Variants in TRPM8 observed in about 807,000 individuals in gnomAD.
TRPM8 encodes the protein TRPM8 cationic channel.
A neutral mutation model predicts 133.7 loss-of-function variants in TRPM8; 110 were observed. The ratio of observed to expected loss-of-function variants is 0.82; its 90% CI spans 0.70 to 0.96. The LOEUF (loss-of-function observed/expected upper bound fraction) is 0.96, where lower values mean the gene tolerates loss of function less well. Ranked by LOEUF, TRPM8 falls within the 40% of genes least tolerant of loss-of-function variation. The pLI is 0.00. For missense variants in TRPM8, 1,291 were observed against 1,379.5 expected, an observed-to-expected ratio of 0.94 and a Z score of 1.02; for synonymous variants, 535 against 532.3, an observed-to-expected ratio of 1.01 and a Z score of -0.07.
intron 17 of TRPM8, among the ~76,000 whole-genome samples, chr2:233,977,981 C>T (rs1241069462): frequency 6.6e-6 from 1 of 152,176 alleles, no homozygotes; most frequent in African/African-American, 2.4e-5. Flanking sequence ...GTATAATCTT[C>T]CACGACCTTC....
In TRPM8 at chr2:233,963,295, T is replaced by C; in HGVS notation, c.1667T>C (p.Ile556Thr). 6.2e-7 allele frequency: 1 copy of C among 1,613,072 alleles called. No homozygotes were observed. The highest frequency in any genetic ancestry group is 8.5e-7 in the Non-Finnish European group (1 of 1,179,232). The change falls in exon 13 of 26, where the codon ATT becomes ACT. Residue 556 changes from isoleucine (I) to threonine (T), a missense_variant. By Grantham distance (89) the Ile-to-Thr change is moderately conservative (BLOSUM62 -1). Coordinates refer to ENST00000324695, the MANE Select transcript of TRPM8 (RefSeq NM_024080.5). ...MDIELHDVSPITRHPLQALFI... is the reference protein window; with the variant it reads ...MDIELHDVSPTTRHPLQALFI... ...CTAACCCCCCAGGACGTGTCTCCTA[T>C]TACTCGGCACCCCCTGCAAGCTCTC...
Position 233,930,728 on chromosome 2 carries a change from G to A in TRPM8, c.178G>A (p.Asp60Asn). ...ACGAGAATGTGTCTTCTTTACCAAA[G>A]ATTCCAAGGCCACGTAAGCTACTAT... ...KKRECVFFTK[D>N]SKATENVCKC... The change falls in exon 3 of 26, where the codon GAT becomes AAT. Residue 60 changes from aspartate (D) to asparagine (N), a missense_variant. By Grantham distance (23) the Asp-to-Asn change is conservative. Coordinates refer to ENST00000324695, the MANE Select transcript of TRPM8 (RefSeq NM_024080.5). 1 of 1,608,414 alleles carries A rather than the reference G, an allele frequency of 6.2e-7. No individual in the cohort carries two copies. The highest frequency in any genetic ancestry group is 1.1e-5 in the South Asian group (1 of 90,132).
chr2:233,919,654 C>T (rs998061766), intron 1 of TRPM8, among the ~76,000 whole-genome samples: 2 of 151,524 alleles, frequency 1.3e-5, no homozygotes, highest in Non-Finnish European at 2.9e-5. Flanking sequence ...TACATGGATC[C>T]ATCTTGCCAT....
intron 21 of TRPM8, among the ~76,000 whole-genome samples, chr2:233,993,021 T>A (rs1189084030): frequency 6.6e-6 from 1 of 152,158 alleles, no homozygotes; most frequent in African/African-American, 2.4e-5. Context: ...TTTGGCTGAG[T>A]CCTGGACTGA....
intron 21 of TRPM8, among the ~76,000 whole-genome samples, chr2:233,990,394 CTCTG>C (rs1450906595): frequency 6.6e-6 from 1 of 152,154 alleles, no homozygotes; most frequent in East Asian, 1.9e-4. Context: ...GGCAAGACAG[CTCTG>C]TCTAATACTG....
At chr2:233,945,220 A>G (rs898135219) in intron 6 of TRPM8, among the ~76,000 whole-genome samples, 1 of 152,170 alleles carries the variant, frequency 6.6e-6, no homozygotes, top group Admixed American at 6.5e-5. Flanking sequence ...CTTTGAATGG[A>G]GCTTGAGAGT....
chr2:233,941,006 A>G (rs1020065828), intron 5 of TRPM8, among the ~76,000 whole-genome samples: 1 of 152,096 alleles, frequency 6.6e-6, no homozygotes, highest in African/African-American at 2.4e-5. Context: ...GATCTGAGGG[A>G]GGAGTTTTGG....
intron 6 of TRPM8, chr2:233,943,065 ATCT>A: frequency 2.9e-5 from 7 of 243,078 alleles, no homozygotes; most frequent in East Asian, 1.1e-4. Context: ...CAACTGCAGT[ATCT>A]TTTTTTTTTT....
chr2:233,930,662 C>T lies in TRPM8; in HGVS notation c.118-6C>T, dbSNP rs1691662269. ...TAATGTGTTATTCAATGTTCTCTCT[C>T]CAAAGGACTTGGTGAATTTTATTCA... On this transcript the variant is annotated splice_polypyrimidine_tract_variant and splice_region_variant and intron_variant, in intron 2 of 25. Transcript: ENST00000324695. 6.3e-7 allele frequency: 1 copy of T among 1,597,552 alleles called. No individual in the cohort carries two copies. The highest frequency in any genetic ancestry group is 1.1e-5 in the South Asian group (1 of 89,718).
At position 234,019,489 on chromosome 2, in the gene TRPM8, T is replaced by G. The variant is rs1233773385; in HGVS notation, c.*2233T>G. The stretch of plus-strand genomic sequence containing the variant: ...GAATCCTGCAGCTTGGTTTAATGAG[T>G]GTGTTCATGAAATAAATAATGGAGG... On this transcript the variant is annotated 3_prime_UTR_variant, in exon 26 of 26. Coordinates refer to ENST00000324695, the MANE Select transcript of TRPM8 (RefSeq NM_024080.5). The G allele has an allele frequency of 6.6e-6, 1 of 152,186 alleles. No individual in the cohort carries two copies. The highest frequency in any genetic ancestry group is 1.9e-4 in the East Asian group (1 of 5,190). 9.4% of individuals were successfully genotyped at this position (152,186 alleles called of 1,614,324 possible).
rs1482820894 is a variant in TRPM8 at position 233,947,195 on chromosome 2, G to A, written c.942+40G>A. ...AGTTTTCTAGAAGGTTGGCTAATAA[G>A]CCTATCCAACAAATTTGTATTTTCA... On this transcript the variant is annotated intron_variant, in intron 8 of 25. Coordinates refer to ENST00000324695, the MANE Select transcript of TRPM8 (RefSeq NM_024080.5). 6.2e-6 allele frequency: 10 copies of A among 1,609,172 alleles called. No individual in the cohort carries two copies. The Admixed American group carries it at 1.2e-4, about 19-fold the overall frequency.
intron 1 of TRPM8, among the ~76,000 whole-genome samples, chr2:233,918,013 A>G (rs1691335575): frequency 6.6e-6 from 1 of 152,224 alleles, no homozygotes; most frequent in Admixed American, 6.5e-5. Flanking sequence ...AGCAAGAGAG[A>G]AACACTGAAG....
At chr2:233,980,004 A>G (rs568346798) in intron 17 of TRPM8, 184 bp from the exon 18 acceptor site, 45 of 595,482 alleles carry the variant, frequency 7.6e-5, no homozygotes. Context: ...TGTGCTACCT[A>G]CTTTCCAATC....
At position 233,947,167 on chromosome 2, in the gene TRPM8, T is replaced by C; in HGVS notation, c.942+12T>C. ...AAGAGACTTTGAAAGTGAGTCCTGA[T>C]TTAGTTTTCTAGAAGGTTGGCTAAT... On this transcript the variant is annotated intron_variant, in intron 8 of 25. Transcript: ENST00000324695. 6.2e-7 allele frequency: 1 copy of C among 1,613,740 alleles called. No homozygotes were observed. Among genetic ancestry groups the C allele is most frequent in the Non-Finnish European group, 8.5e-7 (1 of 1,179,636 alleles).
chr2:233,980,017 C>T, intron 17 of TRPM8, 171 bp from the exon 18 acceptor site: 1 of 610,430 alleles, frequency 1.6e-6, no homozygotes, highest in Non-Finnish European at 2.9e-6. Context: ...TTCCAATCCT[C>T]CTGGATTAGC....
intron 13 of TRPM8, 106 bp from the exon 14 acceptor site, chr2:233,964,522 A>G: frequency 9.6e-7 from 1 of 1,041,028 alleles, no homozygotes; most frequent in Non-Finnish European, 1.2e-6. Context: ...ACAGCACTCC[A>G]GCCTGGGTCA....
chr2:233,970,549 C>T, intron 17 of TRPM8, 123 bp downstream of exon 17: 5 of 921,444 alleles, frequency 5.4e-6, no homozygotes, highest in Non-Finnish European at 6.9e-6. Context: ...AATAAATGTT[C>T]TCTTTGGGTG....
intron 22 of TRPM8, among the ~76,000 whole-genome samples, chr2:233,996,894 C>A (rs11563207): frequency 0.014 from 2,131 of 152,272 alleles, 66 homozygotes; most frequent in African/African-American, 0.046. Context: ...GACTCCAGCA[C>A]GGTTTGTGAC....
intron 10 of TRPM8, 58 bp from the exon 11 acceptor site, chr2:233,955,074 G>T: frequency 7.6e-7 from 1 of 1,312,238 alleles, no homozygotes; most frequent in Non-Finnish European, 1.1e-6. Flanking sequence ...ACACTGAATG[G>T]TTCTCACTCT....
Sources: gnomAD v4.1 joint callset for allele counts (sites outside exome capture counted in the v4.1 genomes callset) on GRCh38, gnomAD v4.1.1 for gene constraint, MANE v1.5 for transcripts, NCBI Gene and HGNC (gene_info 2026-07-23, HGNC 2026-07-21) for gene names.